Variants in ARX observed in about 807,000 individuals in gnomAD.
ARX encodes aristaless related homeobox.
A neutral mutation model predicts 23.1 loss-of-function variants in ARX; 1 was observed. That is an observed-to-expected ratio of 0.04 (90% confidence interval 0.02 to 0.21). The LOEUF (loss-of-function observed/expected upper bound fraction) is 0.21. Ranked by LOEUF, ARX falls within the 10% of genes least tolerant of loss-of-function variation. ARX has a pLI of 1.00. For synonymous variants in ARX, 301 were observed against 270.1 expected, an observed-to-expected ratio of 1.11 and a Z score of -1.12; for missense variants, 380 against 527.5, an observed-to-expected ratio of 0.72 and a Z score of 2.74.
rs922146218 is a variant in ARX, at chrX:25,004,470, T to G, written c.*200A>C. ...TAGCAGGGGCAGGGGCAGGGGCGGG[T>G]GGACAGCCAGCCGAGGAGGTGCCAC... On this transcript the variant is annotated 3_prime_UTR_variant, in exon 5 of 5. Transcript: ENST00000379044. 61 of 638,001 alleles carry G rather than the reference T, an allele frequency of 9.6e-5. No individual in the cohort carries two copies. Among genetic ancestry groups the G allele is most frequent in the Non-Finnish European group, 1.4e-4 (59 of 429,379 alleles). The allele number at this position is 638,001 out of a possible 1,213,427, so 52.6% of individuals were successfully genotyped here.
intron 2 of ARX, among the ~76,000 whole-genome samples, chrX:25,011,425 G>A (rs905595941): frequency 1.8e-5 from 2 of 112,744 alleles, no homozygotes; most frequent in Non-Finnish European, 1.9e-5. Context: ...GTCCTCCCCC[G>A]CCCCTAAGCC....
Position 25,013,500 on chromosome X carries a change from C to A in ARX, c.495G>T (p.Pro165=). 1.2e-6 allele frequency: 1 copy of A among 868,950 alleles called. No homozygotes were observed. The highest frequency in any genetic ancestry group is 1.4e-6 in the Non-Finnish European group (1 of 715,509). The allele number at this position is 868,950 out of a possible 1,213,427, so 71.6% of individuals were successfully genotyped here. A position where few individuals can be genotyped will look rare whatever the true frequency, so the allele number is the denominator to read the frequency against. Residue 165 remains proline, a synonymous_variant, in exon 2 of 5, where the codon CCG becomes CCT. Coordinates refer to ENST00000379044, the MANE Select transcript of ARX (RefSeq NM_139058.3). ...AWDTLKISQA[P]QVSISRSKSY... is the part of the protein sequence containing the mutation. ...ACTTGCTGCGGCTGATGCTCACCTG[C>A]GGCGCCTGGCTGATCTTGAGCGTGT...
intron 4 of ARX, among the ~76,000 whole-genome samples, chrX:25,005,447 C>G (rs1243614106): frequency 6.2e-5 from 7 of 112,629 alleles, no homozygotes; most frequent in Non-Finnish European, 1.3e-4. Flanking sequence ...ACTTTCTGCG[C>G]CCTGAAGAAA....
chrX:25,013,228 GCGTCGTCCTCCAGCAGCTCCTCCT>G lies in ARX; in HGVS notation c.743_766del (p.Glu248_Asp255del), dbSNP rs1473310605. ...CCGGGGCTCCTTGAGCAGCGCGCGG[GCGTCGTCCTCCAGCAGCTCCTCCT>G]CGTCGTCCTCCAGCAGTTCCTCTTC... On this transcript the variant is annotated inframe_deletion, in exon 2 of 5. Coordinates refer to ENST00000379044, the MANE Select transcript of ARX (RefSeq NM_139058.3). The G allele has an allele frequency of 6.0e-6, 7 of 1,158,680 alleles. No individual in the cohort carries two copies. The highest frequency in any genetic ancestry group is 6.9e-6 in the Non-Finnish European group (6 of 869,916).
intron 3 of ARX, among the ~76,000 whole-genome samples, chrX:25,009,124 AC>A (rs1241122528): frequency 9.0e-6 from 1 of 111,493 alleles, no homozygotes; most frequent in Non-Finnish European, 1.9e-5. Context: ...GAACGTGGAA[AC>A]CTTTTTACAG....
intron 1 of ARX, 76 bp downstream of exon 1, chrX:25,015,466 C>T (rs966641460): frequency 8.9e-7 from 1 of 1,123,426 alleles, no homozygotes; most frequent in South Asian, 1.9e-5. Flanking sequence ...CAATTCCAGG[C>T]CACTGGCCCC....
chrX:25,007,489 C>A, intron 3 of ARX, 50 bp from the exon 4 acceptor site: 1 of 1,132,548 alleles, frequency 8.8e-7, no homozygotes, highest in Non-Finnish European at 1.2e-6. Flanking sequence ...CCGGCGGGCG[C>A]ACCGGGCCCC....
At chrX:25,005,420 C>G (rs774836418) in intron 4 of ARX, among the ~76,000 whole-genome samples, 2 of 112,423 alleles carry the variant, frequency 1.8e-5, no homozygotes, top group Non-Finnish European at 3.8e-5. Context: ...GATCTCCCTC[C>G]GGCTCCTTGG....
rs755745002 is a variant in ARX, at chrX:25,013,384, C to T, written c.611G>A (p.Arg204His). Residue 204 changes from arginine to histidine, a missense_variant, in exon 2 of 5, where the codon CGC becomes CAC. Physicochemically the swap from Arg to His is conservative, Grantham distance 29 (BLOSUM62 0). Around this residue, in one of 3 missense-constraint regions of ARX, gnomAD observed 235 missense variants for 270.2 expected, o/e 0.87. Coordinates refer to ENST00000379044, the MANE Select transcript of ARX (RefSeq NM_139058.3). ...GCCCGGGCCGCCGGCCACGCCGAGG[C>T]GCTCCTCCGGGTGCGTGACGCCCCC... ...GPGGVTHPEE[R>H]LGVAGGPGSA... 44 of 1,125,663 alleles carry T rather than the reference C, an allele frequency of 3.9e-5. No individual in the cohort carries two copies. The highest frequency in any genetic ancestry group is 1.6e-5 in the Non-Finnish European group (14 of 860,032). The allele number at this position is 1,125,663 out of a possible 1,213,427, so 92.8% of individuals were successfully genotyped here.
chrX:25,009,888 C>A (rs1050109229), intron 3 of ARX, among the ~76,000 whole-genome samples: 4 of 110,804 alleles, frequency 3.6e-5, no homozygotes, highest in African/African-American at 1.3e-4. Context: ...GCGGATTTGT[C>A]TAACAACCAA....
Position 25,015,759 on chromosome X carries a change from C to A in ARX, c.-22G>T, listed in dbSNP as rs1435035438. The A allele has an allele frequency of 2.5e-6, 3 of 1,179,256 alleles. No homozygotes were observed. The highest frequency in any genetic ancestry group is 6.2e-5 in the East Asian group (2 of 32,140). The stretch of plus-strand genomic sequence containing the variant: ...TCATGGCTGGGGCTTTTTCCCAGGG[C>A]GCAGAGAGCGGATCGCCGGCTGCCT... On this transcript the variant is annotated 5_prime_UTR_variant, in exon 1 of 5. Coordinates refer to ENST00000379044, the MANE Select transcript of ARX (RefSeq NM_139058.3).
In ARX at chrX:25,013,202, G is replaced by A. The variant is rs777296673; in HGVS notation, c.793C>T (p.Arg265Cys). The A allele has an allele frequency of 1.7e-6, 2 of 1,173,870 alleles. No homozygotes were observed. Among genetic ancestry groups the A allele is most frequent in the Non-Finnish European group, 2.3e-6 (2 of 877,520 alleles). ...DARALLKEPR[R>C]CPVAATGAVA... ...GCGCCAGTGGCGGCCACAGGACAGC[G>A]CCGGGGCTCCTTGAGCAGCGCGCGG... is the stretch of plus-strand genomic sequence containing the variant. The change falls in exon 2 of 5, where the codon CGC becomes TGC. Residue 265 changes from arginine (R) to cysteine (C), a missense_variant. Coordinates refer to ENST00000379044, the MANE Select transcript of ARX (RefSeq NM_139058.3).
intron 4 of ARX, 67 bp from the exon 5 acceptor site, chrX:25,004,977 C>A (rs2048671383): frequency 3.8e-6 from 4 of 1,056,930 alleles, no homozygotes; most frequent in Non-Finnish European, 4.9e-6. Flanking sequence ...GGCAGCGTCT[C>A]CCGCCGCTTG....
chrX:25,004,823 C>T lies in ARX; in HGVS notation c.1536G>A (p.Val512=). The change falls in exon 5 of 5, where the codon GTG becomes GTA. Residue 512 remains valine (V), a synonymous_variant. Coordinates refer to ENST00000379044, the MANE Select transcript of ARX (RefSeq NM_139058.3). ...RQPTPAVEGA[V]ASGALADPAT... Reference sequence around the variant, plus strand: ...CCGGGTCGGCCAGGGCGCCCGATGCCACTGCGCCCTCCACGGCGGGTGTGG... The same window carrying T: ...CCGGGTCGGCCAGGGCGCCCGATGCTACTGCGCCCTCCACGGCGGGTGTGG... The T allele has an allele frequency of 8.5e-7, 1 of 1,177,093 alleles. No homozygotes were observed. Among genetic ancestry groups the T allele is most frequent in the Non-Finnish European group, 1.1e-6 (1 of 878,371 alleles).
In ARX at chrX:25,004,879, C is replaced by T; in HGVS notation, c.1480G>A (p.Ala494Thr). Residue 494 changes from alanine to threonine, a missense_variant, in exon 5 of 5, where the codon GCG (alanine) becomes ACG (threonine). Ala to Thr is a moderately conservative substitution (Grantham distance 58, BLOSUM62 0). Coordinates refer to ENST00000379044, the MANE Select transcript of ARX (RefSeq NM_139058.3). Reference sequence around the variant, plus strand: ...CTCAGGAGCGCGGCCGCGGTCGACGCGCTGGTCAGGGGGGCCATTGTGGAA... The same window carrying T: ...CTCAGGAGCGCGGCCGCGGTCGACGTGCTGGTCAGGGGGGCCATTGTGGAA... ...LFSTMAPLTS[A>T]STAAALLRQP... is the part of the protein sequence containing the mutation. 8.7e-7 allele frequency: 1 copy of T among 1,147,681 alleles called. No homozygotes were observed. The highest frequency in any genetic ancestry group is 1.2e-6 in the Non-Finnish European group (1 of 866,345). The allele number at this position is 1,147,681 out of a possible 1,213,427, so 94.6% of individuals were successfully genotyped here.
At chrX:25,012,156 C>A (rs1351047905) in intron 2 of ARX, among the ~76,000 whole-genome samples, 2 of 112,739 alleles carry the variant, frequency 1.8e-5, no homozygotes, top group African/African-American at 6.5e-5. Flanking sequence ...TTGTCTACTC[C>A]CTGCCAGGCT....
intron 2 of ARX, among the ~76,000 whole-genome samples, 171 bp downstream of exon 2, chrX:25,012,751 G>A (rs1232482970): frequency 8.9e-6 from 1 of 112,486 alleles, no homozygotes; most frequent in Non-Finnish European, 1.9e-5. Flanking sequence ...GGGGGTCGGG[G>A]GAGTGGGTAG....
intron 1 of ARX, 83 bp downstream of exon 1, chrX:25,015,459 T>C (rs2048722707): frequency 9.0e-7 from 1 of 1,107,961 alleles, no homozygotes; most frequent in East Asian, 3.2e-5. Flanking sequence ...AAATTGACAA[T>C]TCCAGGCCAC....
chrX:25,014,120 T>C (rs1444986686), intron 1 of ARX, among the ~76,000 whole-genome samples: 1 of 108,914 alleles, frequency 9.2e-6, no homozygotes, highest in South Asian at 4.2e-4. Context: ...TCTCCCTTCC[T>C]TTTCTCTCCT....
Sources: gnomAD v4.1 joint callset for allele counts (sites outside exome capture counted in the v4.1 genomes callset) on GRCh38, gnomAD v4.1.1 for gene constraint, gnomAD v4.1.1 regional missense constraint, MANE v1.5 for transcripts, NCBI Gene and HGNC (gene_info 2026-07-23, HGNC 2026-07-21) for gene names.